Variants in TEK observed in about 807,000 individuals in gnomAD.
TEK encodes TEK receptor tyrosine kinase, also known as angiopoietin-1 receptor.
A neutral mutation model predicts 131.8 loss-of-function variants in TEK; 43 were observed. The observed-to-expected ratio is 0.33, with a 90% CI of 0.26 to 0.42. The LOEUF (loss-of-function observed/expected upper bound fraction) is 0.42. TEK is among the 10% of genes least tolerant of loss of function. TEK has a pLI of 1.00. For missense variants in TEK, 1,162 were observed against 1,384.4 expected (o/e 0.84, Z 2.55); for synonymous variants, 580 against 491.6 (o/e 1.18, Z -2.38).
chr9:27,228,322 G>A lies in TEK; in HGVS notation c.3300+17G>A. 6.3e-7 allele frequency: 1 copy of A among 1,588,928 alleles called. No homozygotes were observed. Among genetic ancestry groups the A allele is most frequent in the Non-Finnish European group, 8.6e-7 (1 of 1,157,890 alleles). On this transcript the variant is annotated intron_variant, in intron 22 of 22. Coordinates refer to ENST00000380036, the MANE Select transcript of TEK (RefSeq NM_000459.5). ...GAGCGAAAGGTAAGTATTAAAGTCA[G>A]GCAGGAGATCTTTAATTGGAATACC...
At chr9:27,139,788 A>G (rs551728189) in intron 1 of TEK, among the ~76,000 whole-genome samples, 25 of 152,110 alleles carry the variant, frequency 1.6e-4, no homozygotes, top group African/African-American at 6.0e-4. Flanking sequence ...GAGGGAGAGG[A>G]AGAGAGAGTG....
chr9:27,228,386 A>C (rs1012175342), intron 22 of TEK, 81 bp downstream of exon 22: 1 of 1,114,306 alleles, frequency 9.0e-7, no homozygotes, highest in Non-Finnish European at 1.3e-6. Context: ...CATTGAAATA[A>C]TTGAAGAAGT....
chr9:27,176,359 C>T (rs1290710755), intron 6 of TEK, among the ~76,000 whole-genome samples: 1 of 152,084 alleles, frequency 6.6e-6, no homozygotes, highest in Non-Finnish European at 1.5e-5. Context: ...GAACACTTTG[C>T]CAGGAAGAAA....
intron 2 of TEK, among the ~76,000 whole-genome samples, chr9:27,165,229 A>C (rs1587540236): frequency 6.6e-6 from 1 of 152,352 alleles, no homozygotes; most frequent in African/African-American, 2.4e-5. Flanking sequence ...AGAACACAAT[A>C]CTGAGTGAGA....
chr9:27,154,420 C>T (rs1823248618), intron 1 of TEK, among the ~76,000 whole-genome samples: 1 of 152,274 alleles, frequency 6.6e-6, no homozygotes, highest in South Asian at 2.1e-4. Flanking sequence ...TGGGCCATAA[C>T]ACTTTTTTTT....
At chr9:27,126,026 T>C (rs1821975483) in intron 1 of TEK, among the ~76,000 whole-genome samples, 1 of 152,164 alleles carries the variant, frequency 6.6e-6, no homozygotes, top group South Asian at 2.1e-4. Flanking sequence ...ATGCAGTAGA[T>C]TGTTGTTATT....
In TEK at chr9:27,228,324, C is replaced by T; in HGVS notation, c.3300+19C>T. ...GCGAAAGGTAAGTATTAAAGTCAGG[C>T]AGGAGATCTTTAATTGGAATACCTG... On this transcript the variant is annotated intron_variant, in intron 22 of 22. Coordinates refer to ENST00000380036, the MANE Select transcript of TEK (RefSeq NM_000459.5). 1 of 1,586,304 alleles carries T rather than the reference C, an allele frequency of 6.3e-7. No homozygotes were observed. Among genetic ancestry groups the T allele is most frequent in the Non-Finnish European group, 8.7e-7 (1 of 1,155,648 alleles).
In TEK at chr9:27,190,582, G is replaced by T; in HGVS notation, c.1381G>T (p.Ala461Ser). ...CGTGATTGACACTGGACATAACTTTGCTGTCATCAACATCAGCTCTGAGCC... is the reference window on the plus strand; with the variant it reads ...CGTGATTGACACTGGACATAACTTTTCTGTCATCAACATCAGCTCTGAGCC... ...PNVIDTGHNF[A>S]VINISSEPYF... The change falls in exon 10 of 23, where the codon GCT becomes TCT. Residue 461 changes from alanine (A) to serine (S), a missense_variant. Coordinates refer to ENST00000380036, the MANE Select transcript of TEK (RefSeq NM_000459.5). The T allele has an allele frequency of 6.2e-7, 1 of 1,614,026 alleles. No individual in the cohort carries two copies. The highest frequency in any genetic ancestry group is 8.5e-7 in the Non-Finnish European group (1 of 1,179,920).
intron 1 of TEK, among the ~76,000 whole-genome samples, chr9:27,129,235 G>T (rs189528345): frequency 5.8e-4 from 88 of 152,190 alleles, no homozygotes; most frequent in Middle Eastern, 3.4e-3. Flanking sequence ...TGAGATAATC[G>T]TGGTTTTTGT....
intron 1 of TEK, among the ~76,000 whole-genome samples, chr9:27,141,749 G>A (rs376269415): frequency 1.3e-5 from 2 of 152,086 alleles, no homozygotes; most frequent in East Asian, 1.9e-4. Flanking sequence ...TCTGAGGTCC[G>A]GACTTCAGAA....
chr9:27,113,581 C>T (rs1819538), intron 1 of TEK, among the ~76,000 whole-genome samples: 13,580 of 96,192 alleles, frequency 0.14, 1,235 homozygotes, highest in East Asian at 0.57. Flanking sequence ...AGTGAGACTC[C>T]GTCTCAATAA....
chr9:27,197,625 T>A, intron 12 of TEK, 26 bp downstream of exon 12: 2 of 1,613,244 alleles, frequency 1.2e-6, no homozygotes, highest in Non-Finnish European at 1.7e-6. Context: ...TGCTCCAGCC[T>A]CATCTGAGCA....
At chr9:27,140,328 A>G (rs975962297) in intron 1 of TEK, among the ~76,000 whole-genome samples, 4 of 151,688 alleles carry the variant, frequency 2.6e-5, no homozygotes, top group Admixed American at 2.6e-4. Flanking sequence ...TGGTTCCTGA[A>G]CACCACTTTA....
intron 12 of TEK, among the ~76,000 whole-genome samples, chr9:27,200,329 A>G (rs185605495): frequency 3.9e-5 from 6 of 152,360 alleles, no homozygotes; most frequent in Admixed American, 1.3e-4. Flanking sequence ...CCTAAACTAC[A>G]TAAGTTTCAT....
At chr9:27,153,844 CTT>C (rs1251959732) in intron 1 of TEK, among the ~76,000 whole-genome samples, 1 of 152,226 alleles carries the variant, frequency 6.6e-6, no homozygotes, top group Non-Finnish European at 1.5e-5. Context: ...CAGCAGAACT[CTT>C]TCAAGAAGCC....
At position 27,220,123 on chromosome 9, in the gene TEK, C is replaced by T; in HGVS notation, c.3178C>T (p.Pro1060Ser). Residue 1060 changes from proline to serine, a missense_variant, in exon 21 of 23, where the codon CCC becomes TCC. Physicochemically the swap from Pro to Ser is moderately conservative, Grantham distance 74. Coordinates refer to ENST00000380036, the MANE Select transcript of TEK (RefSeq NM_000459.5). ...KLPQGYRLEK[P>S]LNCDDEVYDL... ...GCCCCAGGGCTACAGACTGGAGAAG[C>T]CCCTGAACTGTGATGATGAGGTGTA... 6.2e-7 allele frequency: 1 copy of T among 1,613,912 alleles called. No individual in the cohort carries two copies. Among genetic ancestry groups the T allele is most frequent in the Non-Finnish European group, 8.5e-7 (1 of 1,179,956 alleles).
intron 7 of TEK, among the ~76,000 whole-genome samples, chr9:27,181,283 A>T (rs371622591): frequency 2.6e-5 from 4 of 151,948 alleles, no homozygotes; most frequent in East Asian, 1.9e-4. Flanking sequence ...CTTTTTCTTA[A>T]TTTTTTTGGT....
chr9:27,118,260 TTACAC>T (rs766853581), intron 1 of TEK, among the ~76,000 whole-genome samples: 3 of 152,304 alleles, frequency 2.0e-5, no homozygotes, highest in East Asian at 1.9e-4. Flanking sequence ...TTTCACAACT[TTACAC>T]TATAGGTATT....
intron 2 of TEK, among the ~76,000 whole-genome samples, chr9:27,167,341 C>T (rs1259834710): frequency 6.6e-6 from 1 of 152,130 alleles, no homozygotes; most frequent in African/African-American, 2.4e-5. Flanking sequence ...AATTCTCCTA[C>T]CTCAGCCTCC....
Sources: gnomAD v4.1 joint callset for allele counts (sites outside exome capture counted in the v4.1 genomes callset) on GRCh38, gnomAD v4.1.1 for gene constraint, MANE v1.5 for transcripts, NCBI Gene and HGNC (gene_info 2026-07-23, HGNC 2026-07-21) for gene names.